Variants in KEL observed in about 807,000 individuals in gnomAD.
KEL encodes Kell metallo-endopeptidase (Kell blood group).
KEL carries 96 observed loss-of-function variants against 99.5 expected under a neutral mutation model. The observed-to-expected ratio is 0.97, with a 90% confidence interval of 0.82 to 1.14. The LOEUF (loss-of-function observed/expected upper bound fraction) is 1.14, where lower values mean the gene tolerates loss of function less well. KEL is among the 50% of genes most tolerant of loss of function. KEL has a pLI of 0.00. For synonymous variants in KEL, 355 were observed against 354.8 expected (o/e 1.00, Z -0.01); for missense variants, 926 against 924.2 (o/e 1.00, Z -0.03).
At chr7:142,949,070 C>A (rs1435356663) in intron 10 of KEL, among the ~76,000 whole-genome samples, 1 of 152,192 alleles carries the variant, frequency 6.6e-6, no homozygotes, top group East Asian at 1.9e-4. Flanking sequence ...CATCCTACCA[C>A]TGAATAGAGT....
At chr7:142,958,164 TTCCATC>T in intron 5 of KEL, 134 bp downstream of exon 5, 1 of 1,366,196 alleles carries the variant, frequency 7.3e-7, no homozygotes, top group South Asian at 1.2e-5. Flanking sequence ...GCATAACCAT[TTCCATC>T]TCCATCTCCC....
chr7:142,942,038 A>C (rs890262447), intron 18 of KEL: 15 of 229,086 alleles, frequency 6.5e-5, no homozygotes, highest in African/African-American at 3.2e-4. Flanking sequence ...TAAACTCCTG[A>C]TCTCAAGTGA....
chr7:142,955,421 A>AT (rs1248534801), intron 6 of KEL, among the ~76,000 whole-genome samples: 3 of 152,174 alleles, frequency 2.0e-5, no homozygotes, highest in African/African-American at 4.8e-5. Context: ...ATTTTGTCCC[A>AT]TTTTTTGGGA....
At chr7:142,954,031 A>G in intron 8 of KEL, 75 bp from the exon 9 acceptor site, 2 of 1,574,496 alleles carry the variant, frequency 1.3e-6, no homozygotes, top group Admixed American at 1.7e-5. Flanking sequence ...CTTGGGTGTG[A>G]GAAAAAGAAG....
At position 142,943,822 on chromosome 7, in the gene KEL, C is replaced by G. The variant is rs912319416; in HGVS notation, c.1553G>C (p.Arg518Thr). Reference protein sequence around the residue: ...VLSCVRSLRARIVQSFLQPHP... With the variant: ...VLSCVRSLRATIVQSFLQPHP... ...AGGCTGCAAGAAGCTCTGGACAATTCTAGCTCGGAGGGACCGGACACAGCT... is the reference window on the plus strand; with the variant it reads ...AGGCTGCAAGAAGCTCTGGACAATTGTAGCTCGGAGGGACCGGACACAGCT... Residue 518 changes from arginine (R) to threonine (T), a missense_variant, in exon 14 of 19, where the codon AGA becomes ACA. Coordinates refer to ENST00000355265, the MANE Select transcript of KEL (RefSeq NM_000420.3). 6.2e-7 allele frequency: 1 copy of G among 1,614,194 alleles called. No homozygotes were observed. The highest frequency in any genetic ancestry group is 1.1e-5 in the South Asian group (1 of 91,080).
At chr7:142,954,651 A>C in intron 6 of KEL, 124 bp from the exon 7 acceptor site, 1 of 847,056 alleles carries the variant, frequency 1.2e-6, no homozygotes, top group Non-Finnish European at 2.1e-6. Flanking sequence ...TGGACAGAAG[A>C]GAAGCAAGAG....
intron 18 of KEL, chr7:142,942,110 C>T: frequency 4.9e-6 from 2 of 410,378 alleles, no homozygotes; most frequent in South Asian, 2.9e-5. Flanking sequence ...TGCCCAACCA[C>T]AGGCTCATTT....
chr7:142,953,546 C>A, intron 9 of KEL: 3 of 339,234 alleles, frequency 8.8e-6, no homozygotes, highest in Non-Finnish European at 1.3e-5. Context: ...CAGGAAACCC[C>A]GTGTCTTGGC....
chr7:142,953,282 G>T, intron 9 of KEL: 1 of 850,586 alleles, frequency 1.2e-6, no homozygotes, highest in Non-Finnish European at 1.4e-6. Context: ...CAGCAGAAAT[G>T]CTCTTAGACA....
At chr7:142,943,652 T>C (rs1586248252) in intron 14 of KEL, 56 bp from the exon 15 acceptor site, 7 of 1,382,220 alleles carry the variant, frequency 5.1e-6, no homozygotes, top group Non-Finnish European at 7.0e-6. Flanking sequence ...CCTGCCACCC[T>C]GAGACCTACA....
At chr7:142,946,060 T>C (rs1242613186) in intron 11 of KEL, 147 bp downstream of exon 11, 1 of 665,268 alleles carries the variant, frequency 1.5e-6, no homozygotes, top group Non-Finnish European at 2.7e-6. Flanking sequence ...AGCAGGCCTT[T>C]GGGTTCCCTC....
chr7:142,942,866 C>T lies in KEL; in HGVS notation c.1941+9G>A, dbSNP rs774405908. The T allele has an allele frequency of 6.2e-7, 1 of 1,614,072 alleles. No individual in the cohort carries two copies. Among genetic ancestry groups the T allele is most frequent in the East Asian group, 2.2e-5 (1 of 44,894 alleles). ...TACACATAAACTGTGGCCCTTGACA[C>T]TTGCATACCTGCAGCGCGATGGCTA... On this transcript the variant is annotated intron_variant, in intron 17 of 18. Transcript: ENST00000355265.
At position 142,952,630 on chromosome 7, in the gene KEL, A is replaced by G; in HGVS notation, c.1082T>C (p.Leu361Pro). The change falls in exon 10 of 19, where the codon CTG becomes CCG. Residue 361 changes from leucine (L) to proline (P), a missense_variant. Transcript: ENST00000355265. ...CAGCCCTAAGATCATGTGGCTCTGCAGAAAGTCCCTATGGAGACAAAAGAG... is the reference window on the plus strand; with the variant it reads ...CAGCCCTAAGATCATGTGGCTCTGCGGAAAGTCCCTATGGAGACAAAAGAG... The part of the protein sequence containing the change: ...EEMLLKQRDF[L>P]QSHMILGLVV... 6.2e-7 allele frequency: 1 copy of G among 1,614,112 alleles called. No individual in the cohort carries two copies. Among genetic ancestry groups the G allele is most frequent in the South Asian group, 1.1e-5 (1 of 91,082 alleles).
chr7:142,958,671 TGCAAA>T, intron 4 of KEL, among the ~76,000 whole-genome samples: 1 of 152,222 alleles, frequency 6.6e-6, no homozygotes, highest in South Asian at 2.1e-4. Flanking sequence ...GAAATGGCCC[TGCAAA>T]GCTGTTCTTT....
In KEL at chr7:142,961,112, G is replaced by A. The variant is rs1234782137; in HGVS notation, c.224-8C>T. The stretch of plus-strand genomic sequence containing the variant: ...CAGATGTCTCACAGGGGCCTGTGGG[G>A]AAAAGCTCAGAGCTGGGAAAGAAGA... On this transcript the variant is annotated splice_region_variant and splice_polypyrimidine_tract_variant and intron_variant, in intron 3 of 18. Coordinates refer to ENST00000355265, the MANE Select transcript of KEL (RefSeq NM_000420.3). The A allele has an allele frequency of 6.2e-7, 1 of 1,613,214 alleles. No homozygotes were observed. Among genetic ancestry groups the A allele is most frequent in the Non-Finnish European group, 8.5e-7 (1 of 1,179,996 alleles).
At chr7:142,944,907 G>A in intron 11 of KEL, 166 bp from the exon 12 acceptor site, 1 of 672,616 alleles carries the variant, frequency 1.5e-6, no homozygotes, top group Non-Finnish European at 2.7e-6. Context: ...AGGATCTGTG[G>A]AGAAAGGAAG....
chr7:142,953,235 TG>T (rs778363125), intron 9 of KEL: 37 of 491,164 alleles, frequency 7.5e-5, no homozygotes, highest in Non-Finnish European at 9.3e-5. Flanking sequence ...CACTCTTTCA[TG>T]TCCCCAACCC....
At chr7:142,958,223 G>GA (rs1029991288) in intron 5 of KEL, 81 bp downstream of exon 5, 1,815 of 1,539,356 alleles carry the variant, frequency 1.2e-3, no homozygotes, top group Non-Finnish European at 1.4e-3. Flanking sequence ...CCACCCTCTA[G>GA]AAAAAAAAAT....
At chr7:142,953,695 C>G (rs1796746602) in intron 9 of KEL, 113 bp downstream of exon 9, 1 of 1,274,696 alleles carries the variant, frequency 7.8e-7, no homozygotes. Flanking sequence ...CTCTTATCCT[C>G]CTGGGAGGCC....
Sources: allele counts gnomAD v4.1 joint callset (sites outside exome capture counted in the v4.1 genomes callset), GRCh38; gene constraint gnomAD v4.1.1; transcripts MANE v1.5; gene names NCBI Gene and HGNC (gene_info 2026-07-23, HGNC 2026-07-21).